Variants in WDR64 observed in about 807,000 individuals in gnomAD.
WDR64 encodes the protein WD repeat-containing protein 64.
WDR64 carries 112 observed loss-of-function variants against 139.3 expected under a neutral mutation model. The ratio of observed to expected loss-of-function variants is 0.80; its 90% CI spans 0.69 to 0.94. The LOEUF is 0.94. Ranked by LOEUF, WDR64 falls within the 40% of genes least tolerant of loss-of-function variation. The pLI is 0.00. For synonymous variants in WDR64, 444 were observed against 437.7 expected (o/e 1.01, Z -0.18); for missense variants, 1,206 against 1,293.1 (o/e 0.93, Z 1.03).
At chr1:241,711,934 C>G (rs571664092) in intron 9 of WDR64, 53 bp downstream of exon 9, 1 of 1,558,922 alleles carries the variant, frequency 6.4e-7, no homozygotes, top group South Asian at 1.1e-5. Context: ...AAACATCGTT[C>G]TCTTCGAGTT....
intron 8 of WDR64, among the ~76,000 whole-genome samples, chr1:241,687,827 A>C (rs563021842): frequency 6.6e-6 from 1 of 152,326 alleles, no homozygotes; most frequent in African/African-American, 2.4e-5. Context: ...GTTTATTTCT[A>C]TCATCTACTG....
At chr1:241,699,555 TAGAAC>T (rs1408447355) in intron 8 of WDR64, among the ~76,000 whole-genome samples, 1 of 152,022 alleles carries the variant, frequency 6.6e-6, no homozygotes, top group Non-Finnish European at 1.5e-5. Context: ...CAGGAGTGCT[TAGAAC>T]ATCTTAGGAT....
chr1:241,683,372 T>G, intron 6 of WDR64, 115 bp from the exon 7 acceptor site: 1 of 885,750 alleles, frequency 1.1e-6, no homozygotes, highest in Non-Finnish European at 1.7e-6. Flanking sequence ...TCTTATAAGA[T>G]AGGTGTATCT....
intron 8 of WDR64, among the ~76,000 whole-genome samples, chr1:241,699,300 A>G (rs1038900356): frequency 3.3e-5 from 5 of 152,206 alleles, no homozygotes; most frequent in Non-Finnish European, 7.4e-5. Context: ...TGATTACTCC[A>G]TTATTTGGGC....
intron 12 of WDR64, 81 bp from the exon 13 acceptor site, chr1:241,744,312 G>GT (rs1669663686): frequency 6.4e-7 from 1 of 1,557,536 alleles, no homozygotes; most frequent in African/African-American, 1.4e-5. Flanking sequence ...TTTTGAGGCT[G>GT]TTTTGAATAT....
chr1:241,730,239 A>G lies in WDR64; in HGVS notation c.1194+6803A>G, dbSNP rs562891505. Among the ~76,000 whole-genome samples the G allele has an allele frequency of 2.0e-5, 3 of 152,278 alleles. No individual in the cohort carries two copies. The East Asian group carries it at 5.8e-4, about 29-fold the overall frequency. On this transcript the variant is annotated intron_variant, in intron 10 of 27. Coordinates refer to ENST00000437684, the MANE Select transcript of WDR64 (RefSeq NM_001367482.1). ...CAGGACAGCTCCTTGACAACCTTCA[A>G]AGGAAGACCCTGTGGATAGCTCTGA...
chr1:241,745,065 A>G (rs1054418335), intron 13 of WDR64, among the ~76,000 whole-genome samples: 3 of 152,174 alleles, frequency 2.0e-5, no homozygotes, highest in Admixed American at 6.5e-5. Context: ...GCCTTACGCT[A>G]TGGAGCACTG....
At chr1:241,660,772 G>C in intron 2 of WDR64, 112 bp downstream of exon 2, 1 of 1,225,910 alleles carries the variant, frequency 8.2e-7, no homozygotes, top group South Asian at 1.5e-5. Context: ...CAACGTGCAT[G>C]TGTCAGTTTC....
chr1:241,737,214 T>C (rs1669363266), intron 10 of WDR64, among the ~76,000 whole-genome samples: 1 of 152,214 alleles, frequency 6.6e-6, no homozygotes, highest in Non-Finnish European at 1.5e-5. Flanking sequence ...ATTTCAATGG[T>C]ACAAGTTCTG....
intron 8 of WDR64, among the ~76,000 whole-genome samples, chr1:241,692,033 A>T (rs1009486965): frequency 3.3e-5 from 5 of 151,998 alleles, no homozygotes; most frequent in African/African-American, 9.7e-5. Context: ...AAAAATAAAA[A>T]AAAAAAAAAG....
At chr1:241,674,266 T>C (rs1197307382) in intron 3 of WDR64, among the ~76,000 whole-genome samples, 14 of 143,634 alleles carry the variant, frequency 9.7e-5, no homozygotes, top group East Asian at 2.0e-4. Flanking sequence ...CTTTTCTTTT[T>C]TTTTTTTTTT....
At chr1:241,796,714 G>A (rs953858131) in intron 27 of WDR64, among the ~76,000 whole-genome samples, 2 of 152,038 alleles carry the variant, frequency 1.3e-5, no homozygotes, top group Non-Finnish European at 2.9e-5. Flanking sequence ...GGCTGGTCTC[G>A]AACTCCTGAC....
chr1:241,723,676 A>G (rs1339746066), intron 10 of WDR64, among the ~76,000 whole-genome samples: 1 of 152,190 alleles, frequency 6.6e-6, no homozygotes, highest in Non-Finnish European at 1.5e-5. Context: ...AAAAGATGGC[A>G]AATTTTACCC....
At position 241,683,655 on chromosome 1, in the gene WDR64, A is replaced by C; in HGVS notation, c.793A>C (p.Lys265Gln). 1.3e-6 allele frequency: 2 copies of C among 1,551,558 alleles called. No homozygotes were observed. The highest frequency in any genetic ancestry group is 1.7e-6 in the Non-Finnish European group (2 of 1,146,898). The change falls in exon 7 of 28, where the codon AAA (lysine) becomes CAA (glutamine). Residue 265 changes from lysine to glutamine, a missense_variant. Lys to Gln is a moderately conservative substitution (Grantham distance 53, BLOSUM62 1). Coordinates refer to ENST00000437684, the MANE Select transcript of WDR64 (RefSeq NM_001367482.1). The part of the protein sequence containing the change: ...DDFGIKQAKS[K>Q]RKLQNQVLDS... ...CTTTGGAATAAAGCAGGCAAAATCC[A>C]AAAGAAAATTACAAAATCAGGTCTT...
chr1:241,738,567 A>T lies in WDR64; in HGVS notation c.1321+78A>T. 4.2e-6 allele frequency: 6 copies of T among 1,439,660 alleles called. No homozygotes were observed. In the South Asian group the frequency reaches 8.9e-5, roughly 21 times the overall value. 89.2% of individuals were successfully genotyped at this position (1,439,660 alleles called of 1,614,324 possible). A position where few individuals can be genotyped will look rare whatever the true frequency, so the allele number is the denominator to read the frequency against. ...TTTTTTAAACTAGCACTTGAGCACT[A>T]ACTACAAGGAAAACAAAACTAGAAG... On this transcript the variant is annotated intron_variant, in intron 11 of 27. Coordinates refer to ENST00000437684, the MANE Select transcript of WDR64 (RefSeq NM_001367482.1).
chr1:241,759,742 C>G (rs921802567), intron 15 of WDR64, among the ~76,000 whole-genome samples: 1 of 151,750 alleles, frequency 6.6e-6, no homozygotes, highest in Non-Finnish European at 1.5e-5. Context: ...TAATATTTAC[C>G]ACTTAGACTA....
chr1:241,758,055 G>C (rs1428486601), intron 15 of WDR64, among the ~76,000 whole-genome samples: 1 of 152,062 alleles, frequency 6.6e-6, no homozygotes, highest in Non-Finnish European at 1.5e-5. Flanking sequence ...GGAAAAACCT[G>C]TTAAATATCT....
intron 4 of WDR64, among the ~76,000 whole-genome samples, chr1:241,677,073 G>A (rs527385212): frequency 6.6e-6 from 1 of 152,040 alleles, no homozygotes; most frequent in East Asian, 1.9e-4. Flanking sequence ...TCTATCTGAA[G>A]TACAATAAAT....
At chr1:241,735,533 C>CTCCCTTTTTTTTTTT (rs1553373537) in intron 10 of WDR64, among the ~76,000 whole-genome samples, 2 of 103,512 alleles carry the variant, frequency 1.9e-5, no homozygotes, top group Admixed American at 1.1e-4. Context: ...CTCTCTCTCT[C>CTCCCTTTTTTTTTTT]TTTTTTTTTT....
Sources: gnomAD v4.1 joint callset for allele counts (sites outside exome capture counted in the v4.1 genomes callset) on GRCh38, gnomAD v4.1.1 for gene constraint, MANE v1.5 for transcripts, NCBI Gene and HGNC (gene_info 2026-07-23, HGNC 2026-07-21) for gene names.